ACOXL: variants seen among roughly 807,000 people sequenced by gnomAD.
The protein encoded by ACOXL is acyl-coenzyme A oxidase-like protein.
In ACOXL, 70 loss-of-function variants were observed where a neutral mutation model predicts 71.9. That is an observed-to-expected ratio of 0.97 (90% CI 0.80 to 1.19). ACOXL has a LOEUF of 1.19. Ranked by LOEUF, ACOXL falls within the 50% of genes most tolerant of loss-of-function variation. ACOXL has a pLI of 0.00. For missense variants in ACOXL, 703 were observed against 736.3 expected (o/e 0.95, Z 0.52); for synonymous variants, 253 against 281.6 (o/e 0.90, Z 1.02).
chr2:110,778,764 A>G (rs976073808), intron 2 of ACOXL, among the ~76,000 whole-genome samples: 8 of 152,196 alleles, frequency 5.3e-5, no homozygotes, highest in Non-Finnish European at 1.2e-4. Context: ...GTACTGCTTG[A>G]CAATCCAGTT....
intron 1 of ACOXL, among the ~76,000 whole-genome samples, chr2:110,751,696 C>T (rs1559216326): frequency 6.6e-6 from 1 of 152,174 alleles, no homozygotes. Flanking sequence ...ATTATCATCG[C>T]CCCAAAAAGT....
intron 16 of ACOXL, among the ~76,000 whole-genome samples, chr2:111,088,927 A>T (rs913669913): frequency 2.0e-5 from 3 of 152,232 alleles, no homozygotes; most frequent in Non-Finnish European, 4.4e-5. Flanking sequence ...CTGCCTAGTT[A>T]AGTAAGGATA....
chr2:110,968,381 A>G (rs887898661), intron 12 of ACOXL: 3 of 1,155,730 alleles, frequency 2.6e-6, no homozygotes, highest in African/African-American at 1.5e-5. Flanking sequence ...TTCCCTGGTT[A>G]TGATTCTGAA....
chr2:111,031,842 A>C (rs1312702874), intron 15 of ACOXL, 128 bp downstream of exon 15: 1 of 907,338 alleles, frequency 1.1e-6, no homozygotes, highest in African/African-American at 1.7e-5. Flanking sequence ...TGTTGAATTT[A>C]GGGCCCCAAG....
chr2:110,794,812 T>C (rs1402104660), intron 5 of ACOXL, among the ~76,000 whole-genome samples: 1 of 152,156 alleles, frequency 6.6e-6, no homozygotes, highest in East Asian at 1.9e-4. Flanking sequence ...TTCCATTCCC[T>C]TCTTGCTAAC....
At chr2:111,005,571 G>A (rs769448465) in intron 14 of ACOXL, among the ~76,000 whole-genome samples, 2 of 152,118 alleles carry the variant, frequency 1.3e-5, no homozygotes, top group African/African-American at 2.4e-5. Flanking sequence ...ATAATAAACC[G>A]CAGTACTTTT....
intron 16 of ACOXL, among the ~76,000 whole-genome samples, chr2:111,086,135 T>C (rs1198609925): frequency 6.6e-6 from 1 of 152,096 alleles, no homozygotes; most frequent in East Asian, 1.9e-4. Context: ...CTACCAGATA[T>C]ACAAAGAAGA....
intron 14 of ACOXL, among the ~76,000 whole-genome samples, chr2:111,023,088 A>G (rs574325640): frequency 1.3e-5 from 2 of 152,236 alleles, no homozygotes; most frequent in Non-Finnish European, 2.9e-5. Flanking sequence ...GTCATGTGAG[A>G]GGGGCAGCAC....
chr2:110,843,652 C>T (rs916870826), intron 10 of ACOXL, among the ~76,000 whole-genome samples: 1 of 152,162 alleles, frequency 6.6e-6, no homozygotes, highest in African/African-American at 2.4e-5. Context: ...TAGCAGCTGT[C>T]TGTTGTACAT....
chr2:110,863,389 C>T (rs932421473), intron 10 of ACOXL, among the ~76,000 whole-genome samples: 3 of 152,196 alleles, frequency 2.0e-5, no homozygotes, highest in African/African-American at 7.2e-5. Flanking sequence ...AGGCAATATG[C>T]ATAGAATAAG....
At position 111,110,910 on chromosome 2, in the gene ACOXL, A is replaced by G. The variant is rs547383983; in HGVS notation, c.1543-6706A>G. On this transcript the variant is annotated intron_variant, in intron 17 of 17. Transcript: ENST00000439055. ...GGACAATGAAGTTGAATATTCCAGG[A>G]CCCACTTACACAGAATTTCTCCATA... is the stretch of plus-strand genomic sequence containing the variant. Among the ~76,000 whole-genome samples, 273 of 152,214 alleles carry G rather than the reference A, an allele frequency of 1.8e-3. 1 individual carries two copies. Among genetic ancestry groups the G allele is most frequent in the Non-Finnish European group, 3.4e-3 (231 of 68,014 alleles).
At chr2:111,046,247 A>G (rs2066011079) in intron 15 of ACOXL, among the ~76,000 whole-genome samples, 1 of 152,176 alleles carries the variant, frequency 6.6e-6, no homozygotes, top group African/African-American at 2.4e-5. Flanking sequence ...CACGTCACTG[A>G]TGAGGAAGCG....
chr2:110,814,713 G>A (rs1687720986), intron 9 of ACOXL, among the ~76,000 whole-genome samples: 3 of 152,168 alleles, frequency 2.0e-5, no homozygotes, highest in African/African-American at 7.2e-5. Flanking sequence ...CATAGTATAT[G>A]AGGATCATAT....
In ACOXL at chr2:110,987,081, C is replaced by T. The variant is rs368486828; in HGVS notation, c.1060-27C>T. On this transcript the variant is annotated intron_variant, in intron 12 of 17. Coordinates refer to ENST00000439055, the MANE Select transcript of ACOXL (RefSeq NM_001142807.4). Reference sequence around the variant, plus strand: ...ACTGTCATTTTTTACACTGCTGAGACTGATGAGCGATAAACTCTTTGCACA... The same window carrying T: ...ACTGTCATTTTTTACACTGCTGAGATTGATGAGCGATAAACTCTTTGCACA... 8.1e-4 allele frequency: 1,251 copies of T among 1,537,508 alleles called. 4 individuals carry two copies. Among genetic ancestry groups the T allele is most frequent in the Admixed American group, 1.9e-3 (97 of 51,354 alleles).
At chr2:110,854,122 CAT>C (rs1491486045) in intron 10 of ACOXL, among the ~76,000 whole-genome samples, 2 of 151,964 alleles carry the variant, frequency 1.3e-5, no homozygotes, top group Admixed American at 6.6e-5. Context: ...TGTGCGTGTG[CAT>C]GTGTGTGTGT....
chr2:110,804,974 G>A (rs904619749), intron 8 of ACOXL, among the ~76,000 whole-genome samples: 6 of 152,204 alleles, frequency 3.9e-5, no homozygotes, highest in Non-Finnish European at 8.8e-5. Flanking sequence ...TATGGCATGT[G>A]AATTACATCT....
intron 9 of ACOXL, among the ~76,000 whole-genome samples, chr2:110,827,532 A>G (rs1463072587): frequency 6.6e-6 from 1 of 152,122 alleles, no homozygotes; most frequent in East Asian, 1.9e-4. Context: ...TTATGTGGCC[A>G]CTGAGCACTG....
chr2:110,837,829 T>G (rs1442674940), intron 9 of ACOXL, among the ~76,000 whole-genome samples: 2 of 152,228 alleles, frequency 1.3e-5, no homozygotes, highest in African/African-American at 4.8e-5. Flanking sequence ...GTTTAGTGTG[T>G]TCTGGCAATA....
At chr2:110,749,682 C>T (rs1411231303) in intron 1 of ACOXL, among the ~76,000 whole-genome samples, 1 of 152,212 alleles carries the variant, frequency 6.6e-6, no homozygotes, top group Non-Finnish European at 1.5e-5. Context: ...GAGCCGAGAT[C>T]GCGCCACTGC....
Sources: gnomAD v4.1 joint callset for allele counts (sites outside exome capture counted in the v4.1 genomes callset) on GRCh38, gnomAD v4.1.1 for gene constraint, MANE v1.5 for transcripts, NCBI Gene and HGNC (gene_info 2026-07-23, HGNC 2026-07-21) for gene names.